JPH3: variants seen among roughly 807,000 people sequenced by gnomAD.
JPH3 encodes the protein junctophilin-3.
Under a neutral mutation model 59.6 loss-of-function variants are expected in JPH3, and 11 were observed. That is an observed-to-expected ratio of 0.18 (90% CI 0.12 to 0.31). The LOEUF is 0.31. JPH3 is among the 10% of genes least tolerant of loss of function. JPH3 has a pLI of 1.00. For synonymous variants in JPH3, 673 were observed against 483.6 expected (o/e 1.39, Z -5.14); for missense variants, 1,202 against 1,105.7 (o/e 1.09, Z -1.24).
upstream of JPH3, among the ~76,000 whole-genome samples, chr16:87,602,425 C>CGGGGGCGGGGGCG (rs1466716075): frequency 1.6e-4 from 1 of 6,122 alleles, no homozygotes; most frequent in Non-Finnish European, 3.8e-4. Flanking sequence ...GGGGCGGGGG[C>CGGGGGCGGGGGCG]GGGGGCGGGG....
intron 1 of JPH3, among the ~76,000 whole-genome samples, chr16:87,622,524 G>A (rs961202238): frequency 6.6e-6 from 1 of 152,240 alleles, no homozygotes; most frequent in Non-Finnish European, 1.5e-5. Context: ...CTGTGGCAGG[G>A]CCGGGAAGTA....
chr16:87,684,146 T>A lies in JPH3; in HGVS notation c.1165T>A (p.Ser389Thr). 3 of 1,613,234 alleles carry A rather than the reference T, an allele frequency of 1.9e-6. No homozygotes were observed. Among genetic ancestry groups the A allele is most frequent in the Non-Finnish European group, 2.5e-6 (3 of 1,179,836 alleles). ...QKAEIAASRT[S>T]HSRAKAEAAL... ...GCTCCTCCCTGTCTCCCCCAGGACC[T>A]CCCACTCTCGGGCAAAGGCCGAGGC... The change falls in exon 3 of 5, where the codon TCC becomes ACC. Residue 389 changes from serine (S) to threonine (T), a missense_variant. Physicochemically the swap from Ser to Thr is moderately conservative, Grantham distance 58. Coordinates refer to ENST00000284262, the MANE Select transcript of JPH3 (RefSeq NM_020655.4).
chr16:87,642,296 G>A (rs1174550664), intron 1 of JPH3, among the ~76,000 whole-genome samples: 1 of 152,070 alleles, frequency 6.6e-6, no homozygotes, highest in Non-Finnish European at 1.5e-5. Flanking sequence ...AGAGATGGCG[G>A]CACCTGCCAC....
intron 1 of JPH3, among the ~76,000 whole-genome samples, chr16:87,628,804 A>G (rs1161376868): frequency 6.6e-6 from 1 of 151,884 alleles, no homozygotes; most frequent in Non-Finnish European, 1.5e-5. Context: ...GGTCGGGGTA[A>G]GAGAAAGCAG....
intron 1 of JPH3, among the ~76,000 whole-genome samples, chr16:87,640,834 C>G (rs1233240887): frequency 6.6e-6 from 1 of 152,234 alleles, no homozygotes; most frequent in Non-Finnish European, 1.5e-5. Flanking sequence ...ACGGAAGGGG[C>G]AGTCGCTGAG....
At chr16:87,629,076 C>G (rs946752806) in intron 1 of JPH3, among the ~76,000 whole-genome samples, 4 of 152,084 alleles carry the variant, frequency 2.6e-5, no homozygotes, top group Middle Eastern at 3.4e-3. Context: ...GTGGGGGGGG[C>G]CCAGGTCTCC....
intron 2 of JPH3, among the ~76,000 whole-genome samples, chr16:87,680,039 G>A (rs1034055124): frequency 6.6e-6 from 1 of 152,220 alleles, no homozygotes; most frequent in African/African-American, 2.4e-5. Flanking sequence ...TGGGGACAGG[G>A]CAGCCACACA....
chr16:87,672,530 G>C (rs2033044375), intron 2 of JPH3, among the ~76,000 whole-genome samples: 2 of 152,216 alleles, frequency 1.3e-5, no homozygotes, highest in South Asian at 4.1e-4. Flanking sequence ...TGGCCCCACA[G>C]CCGTCCATCA....
intron 2 of JPH3, among the ~76,000 whole-genome samples, chr16:87,651,086 C>T (rs1004676235): frequency 1.3e-5 from 2 of 152,202 alleles, no homozygotes; most frequent in African/African-American, 4.8e-5. Flanking sequence ...ATTGAACATT[C>T]CAAAAATCCT....
intron 1 of JPH3, among the ~76,000 whole-genome samples, chr16:87,631,013 C>T (rs569904849): frequency 2.0e-5 from 3 of 152,312 alleles, no homozygotes; most frequent in South Asian, 2.1e-4. Context: ...GTAATTGTCT[C>T]GCTTTTTTTC....
At chr16:87,641,880 T>G (rs1177521008) in intron 1 of JPH3, among the ~76,000 whole-genome samples, 1 of 152,186 alleles carries the variant, frequency 6.6e-6, no homozygotes, top group Non-Finnish European at 1.5e-5. Flanking sequence ...AGATACATTC[T>G]GGAACATCTA....
At chr16:87,665,466 A>C (rs1369601363) in intron 2 of JPH3, among the ~76,000 whole-genome samples, 1 of 152,150 alleles carries the variant, frequency 6.6e-6, no homozygotes, top group East Asian at 1.9e-4. Context: ...ATCTTTGGAG[A>C]ATCGTGATTC....
At chr16:87,632,770 G>T (rs540758188) in intron 1 of JPH3, among the ~76,000 whole-genome samples, 2 of 152,190 alleles carry the variant, frequency 1.3e-5, no homozygotes, top group South Asian at 4.2e-4. Context: ...GTGTGCACTT[G>T]TAATCCCAGC....
chr16:87,624,213 A>T (rs1450647354), intron 1 of JPH3, among the ~76,000 whole-genome samples: 2 of 152,228 alleles, frequency 1.3e-5, no homozygotes, highest in Admixed American at 6.5e-5. Flanking sequence ...TGTACAGTCC[A>T]GTGGTTTCTA....
At chr16:87,677,742 C>A (rs879766934) in intron 2 of JPH3, among the ~76,000 whole-genome samples, 1 of 152,226 alleles carries the variant, frequency 6.6e-6, no homozygotes, top group Admixed American at 6.5e-5. Context: ...AGCTCGCTTG[C>A]CCATTCACTC....
chr16:87,686,424 C>T (rs1304557115), intron 3 of JPH3, among the ~76,000 whole-genome samples: 1 of 131,176 alleles, frequency 7.6e-6, no homozygotes, highest in Non-Finnish European at 1.6e-5. Flanking sequence ...TCCTGGAGGG[C>T]TCAGTTCTGG....
intron 2 of JPH3, among the ~76,000 whole-genome samples, chr16:87,651,315 A>C (rs941273149): frequency 1.3e-5 from 2 of 152,264 alleles, no homozygotes; most frequent in Non-Finnish European, 2.9e-5. Flanking sequence ...GTGCCTGCTA[A>C]CATAACATCC....
At chr16:87,646,297 A>C (rs1006774147) in intron 2 of JPH3, among the ~76,000 whole-genome samples, 2 of 152,228 alleles carry the variant, frequency 1.3e-5, no homozygotes, top group Non-Finnish European at 2.9e-5. Context: ...TTGGCAGAAT[A>C]TGTTGCTCGC....
intron 3 of JPH3, among the ~76,000 whole-genome samples, chr16:87,686,045 G>T (rs75950149): frequency 2.6e-5 from 4 of 152,176 alleles, no homozygotes; most frequent in African/African-American, 9.7e-5. Flanking sequence ...TGATGTCAGA[G>T]ATCACTGGAG....
Sources: gnomAD v4.1 joint callset for allele counts (sites outside exome capture counted in the v4.1 genomes callset) on GRCh38, gnomAD v4.1.1 for gene constraint, MANE v1.5 for transcripts, NCBI Gene and HGNC (gene_info 2026-07-23, HGNC 2026-07-21) for gene names.